Variants in NRXN3 observed in about 807,000 individuals in gnomAD.
The protein encoded by NRXN3 is neurexin 3.
Under a neutral mutation model 137.6 loss-of-function variants are expected in NRXN3, and 32 were observed. That is an observed-to-expected ratio of 0.23 (90% confidence interval 0.18 to 0.31). The LOEUF is 0.31. Ranked by LOEUF, NRXN3 falls within the 10% of genes least tolerant of loss-of-function variation. The pLI, the probability that NRXN3 is intolerant of heterozygous loss-of-function variation, is 1.00. For synonymous variants in NRXN3, 798 were observed against 784.5 expected (o/e 1.02, Z -0.29); for missense variants, 1,574 against 2,062.5 (o/e 0.76, Z 4.59).
In NRXN3 at chr14:79,639,773, G is replaced by A. The variant is rs140611087; in HGVS notation, c.3445-24005G>A. 1.9e-3 allele frequency among the ~76,000 whole-genome samples: 291 copies of A among 152,286 alleles called. 1 individual carries two copies. The highest frequency in any genetic ancestry group is 6.6e-3 in the African/African-American group (276 of 41,584). On this transcript the variant is annotated intron_variant, in intron 16 of 20. Transcript: ENST00000335750. Reference sequence around the variant, plus strand: ...ATAAATATTTTTACAGGTGGCTAAGGAAAGAGCATTTGCAGCCATGGAATC... The same window carrying A: ...ATAAATATTTTTACAGGTGGCTAAGAAAAGAGCATTTGCAGCCATGGAATC...
intron 15 of NRXN3, among the ~76,000 whole-genome samples, chr14:79,272,429 C>A (rs1050201838): frequency 1.3e-5 from 2 of 151,964 alleles, no homozygotes; most frequent in Admixed American, 1.3e-4. Flanking sequence ...GGTACAGTCA[C>A]AATCACTTTT....
chr14:79,351,834 C>T (rs2093222290), intron 15 of NRXN3, among the ~76,000 whole-genome samples: 1 of 152,150 alleles, frequency 6.6e-6, no homozygotes, highest in Non-Finnish European at 1.5e-5. Flanking sequence ...ATTCTAAAGG[C>T]ATTGGTGTCT....
chr14:78,393,187 T>G (rs573345981), intron 4 of NRXN3, among the ~76,000 whole-genome samples: 1 of 152,214 alleles, frequency 6.6e-6, no homozygotes, highest in African/African-American at 2.4e-5. Context: ...CATGTGATTT[T>G]TTTTTTTTAC....
chr14:79,367,069 T>C (rs1241872479), intron 15 of NRXN3, among the ~76,000 whole-genome samples: 1 of 149,530 alleles, frequency 6.7e-6, no homozygotes, highest in Admixed American at 6.8e-5. Flanking sequence ...CTGCAAGCTC[T>C]GCCTCCTGGG....
intron 19 of NRXN3, among the ~76,000 whole-genome samples, chr14:79,780,735 T>G (rs2099111147): frequency 1.3e-5 from 2 of 152,220 alleles, no homozygotes; most frequent in South Asian, 4.1e-4. Flanking sequence ...AACATTTTGT[T>G]AAGATGTTGC....
intron 4 of NRXN3, among the ~76,000 whole-genome samples, chr14:78,392,630 G>A (rs1011839345): frequency 6.6e-6 from 1 of 152,090 alleles, no homozygotes; most frequent in African/African-American, 2.4e-5. Flanking sequence ...GAAATGTAGT[G>A]TGGATTTAGT....
At chr14:78,666,575 T>C (rs1220430062) in intron 6 of NRXN3, among the ~76,000 whole-genome samples, 1 of 152,152 alleles carries the variant, frequency 6.6e-6, no homozygotes, top group Non-Finnish European at 1.5e-5. Flanking sequence ...AAGTGAGATG[T>C]GATCTTTCTT....
At chr14:79,716,603 G>A (rs1273374270) in intron 19 of NRXN3, among the ~76,000 whole-genome samples, 1 of 151,940 alleles carries the variant, frequency 6.6e-6, no homozygotes, top group Non-Finnish European at 1.5e-5. Flanking sequence ...AAACTGCGGA[G>A]TTCAGTGGAA....
intron 4 of NRXN3, among the ~76,000 whole-genome samples, chr14:78,499,269 G>A (rs1312174892): frequency 6.6e-6 from 1 of 151,736 alleles, no homozygotes; most frequent in Non-Finnish European, 1.5e-5. Flanking sequence ...TAAGCACTGA[G>A]CAAATGTTAG....
chr14:79,094,363 T>A (rs1042472399), intron 15 of NRXN3, among the ~76,000 whole-genome samples: 2 of 152,236 alleles, frequency 1.3e-5, no homozygotes, highest in Non-Finnish European at 2.9e-5. Context: ...AGCATCCATT[T>A]TTATTAAAGC....
rs914014809 is a variant in NRXN3 at position 79,030,191 on chromosome 14, C to T, written c.3262+42050C>T. Among the ~76,000 whole-genome samples the T allele has an allele frequency of 2.6e-4, 40 of 151,488 alleles. 1 individual carries two copies. Among genetic ancestry groups the T allele is most frequent in the Admixed American group, 2.2e-3 (34 of 15,198 alleles). On this transcript the variant is annotated intron_variant, in intron 15 of 20. Transcript: ENST00000335750. ...CCACCACGCCTGGCCCATTATAGAA[C>T]ATTTAGCAGCATTCTTAGCCTCTAC... is the stretch of plus-strand genomic sequence containing the variant.
In NRXN3 at chr14:79,708,662, G is replaced by T. The variant is rs147741689; in HGVS notation, c.4014+10725G>T. Among the ~76,000 whole-genome samples the T allele has an allele frequency of 5.3e-4, 80 of 152,250 alleles. No homozygotes were observed. In the East Asian group the frequency reaches 0.013, roughly 24 times the overall value. On this transcript the variant is annotated intron_variant, in intron 19 of 20. Transcript: ENST00000335750. ...GTGGTTTCATACCTTTCTGGTGCATGTTTGAATGATTGTAAAAATTAGAAA... is the reference window on the plus strand; with the variant it reads ...GTGGTTTCATACCTTTCTGGTGCATTTTTGAATGATTGTAAAAATTAGAAA...
intron 20 of NRXN3, among the ~76,000 whole-genome samples, chr14:79,825,234 T>A (rs964149090): frequency 3.7e-5 from 5 of 136,106 alleles, no homozygotes; most frequent in Non-Finnish European, 7.8e-5. Context: ...TTTACGGCCG[T>A]CCAATTTTCA....
chr14:79,576,171 G>T (rs537240086), intron 16 of NRXN3, among the ~76,000 whole-genome samples: 1 of 152,158 alleles, frequency 6.6e-6, no homozygotes, highest in African/African-American at 2.4e-5. Flanking sequence ...AATTAAAAAT[G>T]CTTTTTCCCA....
At chr14:78,544,146 A>G (rs1005787733) in intron 4 of NRXN3, among the ~76,000 whole-genome samples, 2 of 152,210 alleles carry the variant, frequency 1.3e-5, no homozygotes, top group African/African-American at 2.4e-5. Context: ...GGGGCACACC[A>G]TGAGAGATAC....
intron 4 of NRXN3, among the ~76,000 whole-genome samples, chr14:78,572,996 G>T (rs2096903870): frequency 6.6e-6 from 1 of 152,166 alleles, no homozygotes; most frequent in Non-Finnish European, 1.5e-5. Context: ...TAAAAAATGG[G>T]ATTGGTTTCT....
chr14:79,363,460 C>T (rs943871344), intron 15 of NRXN3, among the ~76,000 whole-genome samples: 4 of 152,126 alleles, frequency 2.6e-5, no homozygotes, highest in African/African-American at 9.7e-5. Context: ...TAGTGTTATG[C>T]TCCATGGAGT....
intron 10 of NRXN3, among the ~76,000 whole-genome samples, chr14:78,850,721 A>C (rs1034760261): frequency 1.3e-5 from 2 of 152,128 alleles, no homozygotes; most frequent in Non-Finnish European, 2.9e-5. Flanking sequence ...AGATCATGTG[A>C]CCGAAATACC....
intron 8 of NRXN3, among the ~76,000 whole-genome samples, chr14:78,742,013 C>T (rs557555798): frequency 1.6e-4 from 24 of 152,232 alleles, no homozygotes; most frequent in African/African-American, 5.8e-4. Flanking sequence ...TCTATGGAGA[C>T]CTAGATTGTC....
Sources: allele counts gnomAD v4.1 joint callset (sites outside exome capture counted in the v4.1 genomes callset), GRCh38; gene constraint gnomAD v4.1.1; transcripts MANE v1.5; gene names NCBI Gene and HGNC (gene_info 2026-07-23, HGNC 2026-07-21).